The following PDE3A variants were observed in gnomAD, a reference collection of about 807,000 sequenced individuals.
The protein encoded by PDE3A is cGMP-inhibited 3',5'-cyclic phosphodiesterase 3A.
In PDE3A, 43 loss-of-function variants were observed where a neutral mutation model predicts 98.3. The ratio of observed to expected loss-of-function variants is 0.44; its 90% CI spans 0.34 to 0.56. PDE3A has a LOEUF of 0.56. PDE3A is among the 20% of genes least tolerant of loss of function. The pLI, the probability that PDE3A is intolerant of heterozygous loss-of-function variation, is 0.01. For missense variants in PDE3A, 1,427 were observed against 1,440.7 expected (o/e 0.99, Z 0.15); for synonymous variants, 663 against 567.9 (o/e 1.17, Z -2.38).
At chr12:20,423,414 A>G (rs1176859676) in intron 1 of PDE3A, among the ~76,000 whole-genome samples, 1 of 152,094 alleles carries the variant, frequency 6.6e-6, no homozygotes, top group Non-Finnish European at 1.5e-5. Context: ...TGAGACTTTA[A>G]ATTCTGAAAT....
intron 1 of PDE3A, among the ~76,000 whole-genome samples, chr12:20,371,114 C>A (rs539421245): frequency 6.6e-6 from 1 of 152,258 alleles, no homozygotes; most frequent in East Asian, 1.9e-4. Context: ...CTTCCCACAA[C>A]GTGGGAGGAG....
chr12:20,519,272 G>A (rs1946379349), intron 1 of PDE3A, among the ~76,000 whole-genome samples: 1 of 152,136 alleles, frequency 6.6e-6, no homozygotes, highest in Non-Finnish European at 1.5e-5. Flanking sequence ...ACCAGGAGTG[G>A]CCAAATTATG....
intron 1 of PDE3A, among the ~76,000 whole-genome samples, chr12:20,517,148 T>C (rs1164147697): frequency 6.6e-6 from 1 of 152,222 alleles, no homozygotes; most frequent in Non-Finnish European, 1.5e-5. Flanking sequence ...AAATGATAAG[T>C]AATTTTGAAA....
At chr12:20,415,896 C>G (rs2120730516) in intron 1 of PDE3A, among the ~76,000 whole-genome samples, 1 of 152,188 alleles carries the variant, frequency 6.6e-6, no homozygotes, top group Admixed American at 6.5e-5. Context: ...GGATTCAGTC[C>G]AAACTTGGAC....
intron 1 of PDE3A, among the ~76,000 whole-genome samples, chr12:20,442,949 A>G (rs1944893448): frequency 6.6e-6 from 1 of 152,110 alleles, no homozygotes; most frequent in Non-Finnish European, 1.5e-5. Context: ...GAAATATATC[A>G]TGCTTTGAGG....
chr12:20,417,671 G>T (rs749638844), intron 1 of PDE3A, among the ~76,000 whole-genome samples: 6 of 152,122 alleles, frequency 3.9e-5, no homozygotes, highest in Non-Finnish European at 5.9e-5. Flanking sequence ...CCTATTAAAA[G>T]TCTGAAAGTA....
At position 20,688,357 on chromosome 12, in the gene PDE3A, GA is replaced by G. The variant is rs139212972; in HGVS notation, c.*8094del. 6.0e-5 allele frequency among the ~76,000 whole-genome samples: 9 copies of G among 151,232 alleles called. No individual in the cohort carries two copies. The highest frequency in any genetic ancestry group is 1.0e-4 in the Non-Finnish European group (7 of 67,786). On this transcript the variant is annotated 3_prime_UTR_variant, in exon 16 of 16. Transcript: ENST00000359062. ...GTTTGTAAAAAGTAGAATCTGTACA[GA>G]AAAAAAACTAGATCAATTGTATTTA... is the stretch of plus-strand genomic sequence containing the variant.
rs957776169 is a variant in PDE3A, at chr12:20,683,245, T to G, written c.*2974T>G. 2 of 152,142 alleles carry G rather than the reference T, an allele frequency of 1.3e-5. No individual in the cohort carries two copies. Among genetic ancestry groups the G allele is most frequent in the Non-Finnish European group, 2.9e-5 (2 of 68,030 alleles). The allele number at this position is 152,142 out of a possible 1,614,324, so 9.4% of individuals were successfully genotyped here. A position where few individuals can be genotyped will look rare whatever the true frequency, so the allele number is the denominator to read the frequency against. The stretch of plus-strand genomic sequence containing the variant: ...TCTGCCAGTAGAGTTCTCCCCCTTT[T>G]TGGTGACAGCAATATTATTATGTTC... On this transcript the variant is annotated 3_prime_UTR_variant, in exon 16 of 16. Transcript: ENST00000359062.
intron 1 of PDE3A, among the ~76,000 whole-genome samples, chr12:20,486,147 A>G (rs1297069885): frequency 3.3e-5 from 5 of 152,220 alleles, no homozygotes; most frequent in Non-Finnish European, 7.3e-5. Context: ...TCACACTGCT[A>G]TAAAGAACTG....
chr12:20,502,631 T>C (rs761591681), intron 1 of PDE3A, among the ~76,000 whole-genome samples: 127 of 152,264 alleles, frequency 8.3e-4, no homozygotes, highest in Non-Finnish European at 1.5e-3. Flanking sequence ...AATACATGAC[T>C]GAAAAAGTGA....
chr12:20,677,678 C>T (rs909499212), intron 15 of PDE3A, among the ~76,000 whole-genome samples: 1 of 152,154 alleles, frequency 6.6e-6, no homozygotes, highest in African/African-American at 2.4e-5. Flanking sequence ...CCAGGATGGT[C>T]TCAATCTCCA....
intron 2 of PDE3A, among the ~76,000 whole-genome samples, chr12:20,591,180 G>T (rs1014796272): frequency 2.6e-5 from 4 of 152,244 alleles, no homozygotes; most frequent in Admixed American, 2.6e-4. Flanking sequence ...CTCAGCTACA[G>T]AAAAATAATG....
intron 1 of PDE3A, among the ~76,000 whole-genome samples, chr12:20,537,095 T>A (rs757682081): frequency 6.6e-5 from 10 of 152,216 alleles, no homozygotes; most frequent in Middle Eastern, 6.8e-3. Context: ...TTTATAGCCA[T>A]ACTGATGGGT....
rs1401807216 is a variant in PDE3A at position 20,370,405 on chromosome 12, TTTTG to T, written c.960+165_960+168del. 465 of 475,182 alleles carry T rather than the reference TTTTG, an allele frequency of 9.8e-4. 2 individuals are homozygous for T. Among genetic ancestry groups the T allele is most frequent in the African/African-American group, 8.4e-3 (397 of 47,352 alleles). The allele number at this position is 475,182 out of a possible 1,614,324, so 29.4% of individuals were successfully genotyped here. Reference sequence around the variant, plus strand: ...AACTAGCAGGTTTTTTTTTTGTTTTTTTTGTTTTTTTTTTTTTGTTTTTTTGCCC... The same window carrying T: ...AACTAGCAGGTTTTTTTTTTGTTTTTTTTTTTTTTTTTTGTTTTTTTGCCC... On this transcript the variant is annotated intron_variant, in intron 1 of 15. Coordinates refer to ENST00000359062, the MANE Select transcript of PDE3A (RefSeq NM_000921.5).
Position 20,646,757 on chromosome 12 carries a change from A to G in PDE3A, c.2372A>G (p.Asp791Gly). 6.2e-7 allele frequency: 1 copy of G among 1,600,402 alleles called. No individual in the cohort carries two copies. Among genetic ancestry groups the G allele is most frequent in the Non-Finnish European group, 8.6e-7 (1 of 1,167,624 alleles). ...TCTCATTTTCTCTTCTCAGATTCTG[A>G]CAGTGGATTTACACATGGACATATG... ...DHGSTSDSDS[D>G]SGFTHGHMGY... The change falls in exon 12 of 16, where the codon GAC (aspartate) becomes GGC (glycine). Residue 791 changes from aspartate to glycine, a missense_variant. By Grantham distance (94) the Asp-to-Gly change is moderately conservative. Coordinates refer to ENST00000359062, the MANE Select transcript of PDE3A (RefSeq NM_000921.5).
intron 1 of PDE3A, among the ~76,000 whole-genome samples, chr12:20,419,019 C>G (rs150377419): frequency 6.6e-6 from 1 of 152,006 alleles, no homozygotes; most frequent in Non-Finnish European, 1.5e-5. Context: ...TTAGTAAATT[C>G]TTGGTTGCAC....
chr12:20,546,049 G>C (rs1031200302), intron 1 of PDE3A, among the ~76,000 whole-genome samples: 15 of 152,032 alleles, frequency 9.9e-5, no homozygotes, highest in African/African-American at 3.1e-4. Context: ...AGTCACATCT[G>C]TTTTACCCAC....
chr12:20,508,886 C>T (rs923392828), intron 1 of PDE3A, among the ~76,000 whole-genome samples: 3 of 150,780 alleles, frequency 2.0e-5, no homozygotes, highest in Non-Finnish European at 4.4e-5. Context: ...ATTAAAAATC[C>T]ATACATATGA....
chr12:20,370,960 G>A (rs775299044), intron 1 of PDE3A, among the ~76,000 whole-genome samples: 24 of 152,160 alleles, frequency 1.6e-4, no homozygotes, highest in Non-Finnish European at 2.9e-4. Flanking sequence ...TGTCAACTGC[G>A]TTTTAGTGTC....
Sources: allele counts gnomAD v4.1 joint callset (sites outside exome capture counted in the v4.1 genomes callset), GRCh38; gene constraint gnomAD v4.1.1; transcripts MANE v1.5; gene names NCBI Gene and HGNC (gene_info 2026-07-23, HGNC 2026-07-21).